The following CALN1 variants were observed in gnomAD, a reference collection of about 807,000 sequenced individuals.
The protein encoded by CALN1 is calcium-binding protein 8.
CALN1 carries 17 observed loss-of-function variants against 30.6 expected under a neutral mutation model. That is an observed-to-expected ratio of 0.56 (90% CI 0.38 to 0.83). The LOEUF (loss-of-function observed/expected upper bound fraction) is 0.83. Ranked by LOEUF, CALN1 falls within the 40% of genes least tolerant of loss-of-function variation. The pLI, the probability that CALN1 is intolerant of heterozygous loss-of-function variation, is 0.00. For synonymous variants in CALN1, 156 were observed against 131.4 expected, an observed-to-expected ratio of 1.19 and a Z score of -1.28; for missense variants, 291 against 354.9, an observed-to-expected ratio of 0.82 and a Z score of 1.45.
chr7:72,056,497 C>T (rs147585332), intron 4 of CALN1, among the ~76,000 whole-genome samples: 1 of 151,920 alleles, frequency 6.6e-6, no homozygotes, highest in African/African-American at 2.4e-5. Context: ...AAGGAAAAAT[C>T]GATTTTATTC....
At chr7:72,458,035 G>A in the CALN1 span, among the ~76,000 whole-genome samples, 1 of 148,406 alleles carries the variant, frequency 6.7e-6, no homozygotes, top group African/African-American at 2.5e-5. Context: ...GGGGTTACAG[G>A]CATGAGTCAC....
intron 2 of CALN1, among the ~76,000 whole-genome samples, chr7:72,364,027 G>A (rs1803725945): frequency 1.3e-5 from 2 of 151,246 alleles, no homozygotes; most frequent in Non-Finnish European, 2.9e-5. Context: ...GAGCCACGGT[G>A]CCCGGCACAA....
intron 3 of CALN1, among the ~76,000 whole-genome samples, chr7:72,168,465 G>A (rs1198422005): frequency 6.6e-6 from 1 of 152,130 alleles, no homozygotes; most frequent in Non-Finnish European, 1.5e-5. Flanking sequence ...CTACAGCTCA[G>A]GGCTTTAAAA....
At chr7:71,790,018 C>T (rs561147885) in intron 6 of CALN1, among the ~76,000 whole-genome samples, 2 of 151,826 alleles carry the variant, frequency 1.3e-5, no homozygotes, top group African/African-American at 2.4e-5. Context: ...GCAGAAGGAT[C>T]GCTTGAGCCC....
chr7:72,196,279 G>T (rs2129547151), intron 3 of CALN1, among the ~76,000 whole-genome samples: 1 of 152,236 alleles, frequency 6.6e-6, no homozygotes, highest in East Asian at 1.9e-4. Flanking sequence ...CGCCATGCCT[G>T]GGTAACTTTT....
At chr7:72,478,871 T>G in the CALN1 span, among the ~76,000 whole-genome samples, 6 of 141,342 alleles carry the variant, frequency 4.2e-5, no homozygotes, top group Admixed American at 8.0e-5. Flanking sequence ...TTATTTGCCA[T>G]GCATACGAAC....
intron 2 of CALN1, among the ~76,000 whole-genome samples, chr7:72,310,216 A>G (rs1799947886): frequency 6.6e-6 from 1 of 150,762 alleles, no homozygotes; most frequent in Non-Finnish European, 1.5e-5. Flanking sequence ...GCTCTGAAAA[A>G]CCCTAGACAG....
intron 1 of CALN1, among the ~76,000 whole-genome samples, chr7:72,437,493 A>G (rs1027272857): frequency 1.3e-5 from 2 of 151,416 alleles, no homozygotes; most frequent in African/African-American, 4.9e-5. Context: ...CACCAGGAAA[A>G]GTTAAAGAAG....
At chr7:71,878,249 A>C (rs938997044) in intron 5 of CALN1, among the ~76,000 whole-genome samples, 3 of 152,130 alleles carry the variant, frequency 2.0e-5, no homozygotes, top group Admixed American at 6.6e-5. Context: ...AAGTTTGTAT[A>C]ATGTGGGCCA....
chr7:72,480,375 CTT>C, the CALN1 span, among the ~76,000 whole-genome samples: 5 of 152,072 alleles, frequency 3.3e-5, no homozygotes, highest in African/African-American at 1.2e-4. Flanking sequence ...CTTTCATCTT[CTT>C]TAAATTTATA....
chr7:72,363,516 G>A (rs6953656), intron 2 of CALN1, among the ~76,000 whole-genome samples: 30,595 of 151,964 alleles, frequency 0.2, 3,860 homozygotes, highest in East Asian at 0.37. Context: ...TGGGATTACA[G>A]GTGTGAGCCA....
At chr7:71,944,513 G>C (rs1354202558) in intron 5 of CALN1, among the ~76,000 whole-genome samples, 1 of 137,888 alleles carries the variant, frequency 7.3e-6, no homozygotes, top group Non-Finnish European at 1.5e-5. Context: ...AGAATCGCTT[G>C]AACCTGGGAG....
intron 3 of CALN1, among the ~76,000 whole-genome samples, chr7:72,267,745 A>T (rs1796691483): frequency 6.6e-6 from 1 of 152,248 alleles, no homozygotes; most frequent in Admixed American, 6.5e-5. Context: ...GTTGACTCAC[A>T]TCTGTAATCC....
At chr7:72,122,369 A>C (rs908717208) in intron 3 of CALN1, among the ~76,000 whole-genome samples, 1 of 152,160 alleles carries the variant, frequency 6.6e-6, no homozygotes, top group African/African-American at 2.4e-5. Flanking sequence ...GAAAAAGTGA[A>C]TGGAGAGAAG....
intron 2 of CALN1, among the ~76,000 whole-genome samples, chr7:72,386,362 TTAAG>T (rs1805209148): frequency 6.6e-6 from 1 of 152,140 alleles, no homozygotes; most frequent in South Asian, 2.1e-4. Flanking sequence ...AAGTGCTGAC[TTAAG>T]TAACTTTGGA....
chr7:72,345,898 C>T (rs1445935512), intron 2 of CALN1, among the ~76,000 whole-genome samples: 4 of 151,974 alleles, frequency 2.6e-5, no homozygotes, highest in Middle Eastern at 3.2e-3. Context: ...TTAAATATAA[C>T]GTGGCATTTA....
At position 72,278,011 on chromosome 7, in the gene CALN1, G is replaced by GGGC. The variant is rs369381047; in HGVS notation, c.244+674_244+675insGCC. Among the ~76,000 whole-genome samples the GGGC allele has an allele frequency of 1.1e-3, 120 of 113,934 alleles. 9 individuals carry two copies. The highest frequency in any genetic ancestry group is 4.2e-3 in the Middle Eastern group (1 of 238). 74.7% of individuals were successfully genotyped at this position (113,934 alleles called of 152,430 possible). ...AAATCAACCTAATCCTCTATTCCGG[G>GGGC]GGGGGGGGACTTGTTTTTCCTATTT... On this transcript the variant is annotated intron_variant, in intron 3 of 6. Coordinates refer to ENST00000395275, the MANE Select transcript of CALN1 (RefSeq NM_031468.4).
chr7:71,792,966 G>T (rs1786662040), intron 6 of CALN1, among the ~76,000 whole-genome samples: 1 of 151,964 alleles, frequency 6.6e-6, no homozygotes. Flanking sequence ...GGAGAGATAA[G>T]GACTGAGCAA....
intron 3 of CALN1, among the ~76,000 whole-genome samples, chr7:72,146,750 G>A (rs543971065): frequency 5.7e-4 from 87 of 152,268 alleles, no homozygotes; most frequent in Non-Finnish European, 1.0e-3. Flanking sequence ...AAAACAGCAT[G>A]GTACTGGTAC....
Sources: gnomAD v4.1 joint callset for allele counts (sites outside exome capture counted in the v4.1 genomes callset) on GRCh38, gnomAD v4.1.1 for gene constraint, MANE v1.5 for transcripts, NCBI Gene and HGNC (gene_info 2026-07-23, HGNC 2026-07-21) for gene names.